Variants in CCNJL observed in about 807,000 individuals in gnomAD.
CCNJL encodes the protein cyclin J like, also known as cyclin-J-like protein.
Under a neutral mutation model 33.4 loss-of-function variants are expected in CCNJL, and 33 were observed. The ratio of observed to expected loss-of-function variants is 0.99; its 90% CI spans 0.75 to 1.32. CCNJL has a LOEUF of 1.32. Among genes scored for constraint, CCNJL ranks in the 40% most tolerant of loss-of-function variants. The probability of loss-of-function intolerance (pLI) is 0.00; values close to 1 mark genes in which losing one functional copy is unlikely to be tolerated. For synonymous variants in CCNJL, 227 were observed against 220.9 expected, an observed-to-expected ratio of 1.03 and a Z score of -0.24; for missense variants, 512 against 499.7, an observed-to-expected ratio of 1.02 and a Z score of -0.23.
chr5:160,253,271 C>T lies in CCNJL; in HGVS notation c.*107G>A, dbSNP rs944012205. ...AGCACAGACCCTCCACGTTCCAAGGCTCTTCAGGGATGGCCTCCTGCTGCC... is the reference window on the plus strand; with the variant it reads ...AGCACAGACCCTCCACGTTCCAAGGTTCTTCAGGGATGGCCTCCTGCTGCC... On this transcript the variant is annotated 3_prime_UTR_variant, in exon 6 of 6. Transcript: ENST00000257536. 3.6e-6 allele frequency: 4 copies of T among 1,102,630 alleles called. No homozygotes were observed. In the African/African-American group the frequency reaches 6.3e-5, roughly 17 times the overall value. The allele number at this position is 1,102,630 out of a possible 1,614,324, so 68.3% of individuals were successfully genotyped here. A position where few individuals can be genotyped will look rare whatever the true frequency, so the allele number is the denominator to read the frequency against.
chr5:160,334,275 A>C (rs888624259), intron 1 of CCNJL, among the ~76,000 whole-genome samples: 6 of 152,152 alleles, frequency 3.9e-5, no homozygotes, highest in African/African-American at 9.7e-5. Context: ...GGTTGTACAC[A>C]ATCTCCACTA....
At chr5:160,261,539 G>A (rs1549236) in intron 3 of CCNJL, among the ~76,000 whole-genome samples, 8,871 of 152,210 alleles carry the variant, frequency 0.058, 343 homozygotes, top group South Asian at 0.19. Context: ...AAGCTGCCCA[G>A]AGAGGAAGAG....
chr5:160,337,310 G>A (rs1194123730), intron 1 of CCNJL, among the ~76,000 whole-genome samples: 1 of 151,758 alleles, frequency 6.6e-6, no homozygotes, highest in African/African-American at 2.4e-5. Flanking sequence ...GTAAGCCACC[G>A]AACTTGGCTG....
chr5:160,271,158 A>G (rs977332900), intron 3 of CCNJL, among the ~76,000 whole-genome samples: 3 of 152,212 alleles, frequency 2.0e-5, no homozygotes, highest in Non-Finnish European at 2.9e-5. Flanking sequence ...GAATAGGCCA[A>G]CATATCTCGT....
chr5:160,261,225 T>C (rs1761316579), intron 3 of CCNJL: 1 of 152,124 alleles, frequency 6.6e-6, no homozygotes, highest in African/African-American at 2.4e-5. Flanking sequence ...GCAGAATGAA[T>C]CAACCACGTC....
At chr5:160,338,361 T>C (rs1339264430) in intron 1 of CCNJL, among the ~76,000 whole-genome samples, 1 of 152,076 alleles carries the variant, frequency 6.6e-6, no homozygotes, top group South Asian at 2.1e-4. Flanking sequence ...GCCACTGCAC[T>C]CCGACCTGGG....
At chr5:160,271,411 G>A (rs1408962060) in intron 3 of CCNJL, among the ~76,000 whole-genome samples, 2 of 152,162 alleles carry the variant, frequency 1.3e-5, no homozygotes, top group African/African-American at 4.8e-5. Context: ...GTTAGGCCCT[G>A]GACAAACAGG....
intron 3 of CCNJL, among the ~76,000 whole-genome samples, chr5:160,262,517 G>A (rs1761384810): frequency 6.6e-6 from 1 of 152,166 alleles, no homozygotes; most frequent in Non-Finnish European, 1.5e-5. Flanking sequence ...ATTTGCTTAT[G>A]TTGTAGGACC....
chr5:160,255,312 C>CAAA (rs201717811), intron 5 of CCNJL: 50 of 295,980 alleles, frequency 1.7e-4, no homozygotes, highest in African/African-American at 1.0e-3. Context: ...GACTCTGTCT[C>CAAA]AAAAAAAAAA....
chr5:160,332,706 C>T (rs140116279), intron 1 of CCNJL, among the ~76,000 whole-genome samples: 6 of 152,286 alleles, frequency 3.9e-5, no homozygotes, highest in Non-Finnish European at 8.8e-5. Flanking sequence ...CAAGTTTTTA[C>T]TCCATGTCAT....
intron 1 of CCNJL, among the ~76,000 whole-genome samples, chr5:160,323,128 G>A (rs1382651671): frequency 1.3e-5 from 2 of 151,674 alleles, no homozygotes; most frequent in East Asian, 1.9e-4. Flanking sequence ...CCAGGTACTC[G>A]GGAGGCCAAG....
chr5:160,257,938 CTGGGTT>C (rs751234264), intron 4 of CCNJL, among the ~76,000 whole-genome samples: 17 of 151,836 alleles, frequency 1.1e-4, no homozygotes, highest in Admixed American at 3.9e-4. Flanking sequence ...CCTCTGCCTC[CTGGGTT>C]CAAGCAATTC....
intron 2 of CCNJL, among the ~76,000 whole-genome samples, chr5:160,307,761 G>A (rs1581010540): frequency 6.6e-6 from 1 of 152,278 alleles, no homozygotes; most frequent in East Asian, 1.9e-4. Flanking sequence ...GCTGAAGGGA[G>A]CGGGGTCCTA....
At position 160,253,387 on chromosome 5, in the gene CCNJL, A is replaced by G; in HGVS notation, c.1155T>C (p.Phe385=). The change falls in exon 6 of 6, where the codon TTT becomes TTC. Residue 385 remains phenylalanine, a synonymous_variant. Coordinates refer to ENST00000257536, the MANE Select transcript of CCNJL (RefSeq NM_001308173.3). ...SGSHMFPTGC[F]DR is the part of the protein sequence containing the mutation. ...GAGGTCTGGAGGTGGCCTATCTGTC[A>G]AAGCAGCCGGTGGGGAACATGTGGC... 1 of 1,577,738 alleles carries G rather than the reference A, an allele frequency of 6.3e-7. No individual in the cohort carries two copies. The highest frequency in any genetic ancestry group is 8.6e-7 in the Non-Finnish European group (1 of 1,158,862).
intron 2 of CCNJL, among the ~76,000 whole-genome samples, chr5:160,283,022 TATATAC>T (rs1762290816): frequency 1.6e-4 from 16 of 102,256 alleles, no homozygotes; most frequent in Admixed American, 1.3e-3. Flanking sequence ...TATATATATA[TATATAC>T]CTAAGAGAAA....
At chr5:160,324,739 G>T (rs1763514368) in intron 1 of CCNJL, among the ~76,000 whole-genome samples, 1 of 152,064 alleles carries the variant, frequency 6.6e-6, no homozygotes, top group Non-Finnish European at 1.5e-5. Flanking sequence ...CAGCAAGACT[G>T]GTGTTTTCTG....
At chr5:160,327,217 C>G (rs547328663) in intron 1 of CCNJL, among the ~76,000 whole-genome samples, 3 of 152,192 alleles carry the variant, frequency 2.0e-5, no homozygotes, top group African/African-American at 7.2e-5. Context: ...GTTTCCTCGT[C>G]TGAATATAAT....
In CCNJL at chr5:160,253,576, G is replaced by A. The variant is rs1760908546; in HGVS notation, c.966C>T (p.Leu322=). 2 of 1,614,034 alleles carry A rather than the reference G, an allele frequency of 1.2e-6. No individual in the cohort carries two copies. The highest frequency in any genetic ancestry group is 3.3e-5 in the Admixed American group (2 of 59,990). The change falls in exon 6 of 6, where the codon CTC becomes CTT. Residue 322 remains leucine (L), a synonymous_variant. Transcript: ENST00000257536. The part of the protein sequence containing the change: ...SLQAHRSGSL[L]SGSTGSSLHT... Reference sequence around the variant, plus strand: ...GGAGGGATGAGCCTGTACTCCCCGAGAGCAGGCTCCCTGAACGGTGGGCCT... The same window carrying A: ...GGAGGGATGAGCCTGTACTCCCCGAAAGCAGGCTCCCTGAACGGTGGGCCT...
Position 160,330,862 on chromosome 5 carries a change from C to T in CCNJL, n.206+8583G>A, listed in dbSNP as rs377458967. Among the ~76,000 whole-genome samples, 21 of 152,246 alleles carry T rather than the reference C, an allele frequency of 1.4e-4. No homozygotes were observed. In the East Asian group the frequency reaches 3.5e-3, roughly 25 times the overall value. ...TATTTTTAGTAGAAATGGGGTTTCACCATGTTGGCCGGGCTAGTCTCGAAC... is the reference window on the plus strand; with the variant it reads ...TATTTTTAGTAGAAATGGGGTTTCATCATGTTGGCCGGGCTAGTCTCGAAC... On this transcript the variant is annotated intron_variant and non_coding_transcript_variant, in intron 1 of 7. Transcript: ENST00000377503.
Sources: allele counts gnomAD v4.1 joint callset (sites outside exome capture counted in the v4.1 genomes callset), GRCh38; gene constraint gnomAD v4.1.1; transcripts MANE v1.5; gene names NCBI Gene and HGNC (gene_info 2026-07-23, HGNC 2026-07-21).